Variants in FHIP1A observed in about 807,000 individuals in gnomAD.
The protein encoded by FHIP1A is FHF complex subunit HOOK interacting protein 1A, also known as FHF complex subunit HOOK-interacting protein 1A.
Under a neutral mutation model 88.6 loss-of-function variants are expected in FHIP1A, and 61 were observed. The observed-to-expected ratio is 0.69, with a 90% CI of 0.56 to 0.85. FHIP1A has a LOEUF of 0.85. Among genes scored for constraint, FHIP1A ranks in the 40% least tolerant of loss-of-function variants. The pLI is 0.00. For missense variants in FHIP1A, 1,154 were observed against 1,273.5 expected (o/e 0.91, Z 1.43); for synonymous variants, 478 against 496.0 (o/e 0.96, Z 0.48).
intron 8 of FHIP1A, among the ~76,000 whole-genome samples, chr4:151,638,369 TG>T (rs1736443153): frequency 8.3e-6 from 1 of 121,130 alleles, no homozygotes; most frequent in African/African-American, 2.8e-5. Context: ...GAGAGAGAAT[TG>T]GAGAATTGTA....
intron 3 of FHIP1A, among the ~76,000 whole-genome samples, chr4:151,532,766 T>A (rs1219018749): frequency 6.6e-6 from 1 of 152,206 alleles, no homozygotes; most frequent in African/African-American, 2.4e-5. Flanking sequence ...GAGTTCCACA[T>A]GGCTGGGGAG....
chr4:151,425,988 T>C (rs1324157834), intron 1 of FHIP1A, among the ~76,000 whole-genome samples: 2 of 152,208 alleles, frequency 1.3e-5, no homozygotes, highest in Non-Finnish European at 2.9e-5. Flanking sequence ...TCACATCTTT[T>C]GCCATTCAAG....
rs574417530 is a variant in FHIP1A at position 151,663,817 on chromosome 4, A to G, written c.*1063A>G. ...CTTTGGGACCTTGGATGTAAATGCA[A>G]ACAGGTCACCTGGAGCCCTGCAAAG... On this transcript the variant is annotated 3_prime_UTR_variant, in exon 14 of 14. Transcript: ENST00000435205. 8.5e-5 allele frequency among the ~76,000 whole-genome samples: 13 copies of G among 152,306 alleles called. No homozygotes were observed. The highest frequency in any genetic ancestry group is 6.8e-3 in the Middle Eastern group (2 of 294).
chr4:151,514,107 C>G (rs1031487050), intron 3 of FHIP1A, among the ~76,000 whole-genome samples: 10 of 152,344 alleles, frequency 6.6e-5, no homozygotes, highest in African/African-American at 2.2e-4. Context: ...AACTGTCTCT[C>G]AGACCACAGT....
chr4:151,452,301 C>G (rs1166678024), intron 1 of FHIP1A, among the ~76,000 whole-genome samples: 4 of 152,142 alleles, frequency 2.6e-5, no homozygotes, highest in African/African-American at 7.2e-5. Flanking sequence ...TTTTAGTGCT[C>G]TGTATTCTGG....
intron 9 of FHIP1A, among the ~76,000 whole-genome samples, chr4:151,642,515 A>G (rs1353563418): frequency 6.6e-6 from 1 of 152,200 alleles, no homozygotes; most frequent in African/African-American, 2.4e-5. Flanking sequence ...GCCTAGGGGA[A>G]AATGAATAGG....
chr4:151,650,216 C>T lies in FHIP1A; in HGVS notation c.2175C>T (p.Asn725=), dbSNP rs1417559894. 6.4e-7 allele frequency: 1 copy of T among 1,551,640 alleles called. No homozygotes were observed. Among genetic ancestry groups the T allele is most frequent in the East Asian group, 2.4e-5 (1 of 40,934 alleles). The change falls in exon 11 of 14, where the codon AAC becomes AAT. Residue 725 remains asparagine (N), a synonymous_variant. Coordinates refer to ENST00000435205, the MANE Select transcript of FHIP1A (RefSeq NM_001109977.3). Reference sequence around the variant, plus strand: ...AACCTGAAGCAGCCCCAGAATCCAACTCAGAGTTAGCATCCCCTGCCCCTG... The same window carrying T: ...AACCTGAAGCAGCCCCAGAATCCAATTCAGAGTTAGCATCCCCTGCCCCTG... ...EREPEAAPES[N]SELASPAPEA...
In FHIP1A at chr4:151,669,885, ACT is replaced by A. The variant is rs1737798481; in HGVS notation, c.*7135_*7136del. The A allele has an allele frequency of 6.6e-6, 1 of 151,836 alleles. No individual in the cohort carries two copies. Among genetic ancestry groups the A allele is most frequent in the African/African-American group, 2.4e-5 (1 of 41,318 alleles). The allele number at this position is 151,836 out of a possible 1,614,324, so 9.4% of individuals were successfully genotyped here. A position where few individuals can be genotyped will look rare whatever the true frequency, so the allele number is the denominator to read the frequency against. ...GGGGAAGAGGGGCACCTTTCTCATC[ACT>A]CTCAGGGAAGTCCTGAGGAACTGTG... On this transcript the variant is annotated 3_prime_UTR_variant, in exon 14 of 14. Transcript: ENST00000435205.
At chr4:151,471,469 G>A (rs948237004) in intron 2 of FHIP1A, among the ~76,000 whole-genome samples, 48 of 152,052 alleles carry the variant, frequency 3.2e-4, no homozygotes, top group African/African-American at 1.1e-3. Context: ...AGCAGACCTA[G>A]AAGCCATAAC....
intron 3 of FHIP1A, among the ~76,000 whole-genome samples, chr4:151,517,370 G>C (rs1731281243): frequency 6.6e-6 from 1 of 152,018 alleles, no homozygotes; most frequent in African/African-American, 2.4e-5. Context: ...GTTAATGGGT[G>C]CAGCACACCA....
At chr4:151,453,087 G>T (rs745866984) in intron 1 of FHIP1A, among the ~76,000 whole-genome samples, 1 of 151,664 alleles carries the variant, frequency 6.6e-6, no homozygotes, top group Non-Finnish European at 1.5e-5. Flanking sequence ...CGTGATCTCG[G>T]CTCACTGCAA....
chr4:151,513,904 A>G (rs1731128529), intron 3 of FHIP1A, among the ~76,000 whole-genome samples: 1 of 150,890 alleles, frequency 6.6e-6, no homozygotes, highest in African/African-American at 2.5e-5. Flanking sequence ...CGAGACAGAA[A>G]GTTAACAAGG....
intron 7 of FHIP1A, among the ~76,000 whole-genome samples, chr4:151,599,352 G>T (rs372698390): frequency 1.3e-5 from 2 of 152,176 alleles, no homozygotes; most frequent in Admixed American, 6.5e-5. Flanking sequence ...ATATTCATTG[G>T]TATAGTTCTG....
rs72730114 is a variant in FHIP1A at position 151,650,578 on chromosome 4, G to T, written c.2537G>T (p.Ser846Ile). ...FASRHPVRTQSTPFTGPFISV... is the reference protein window; with the variant it reads ...FASRHPVRTQITPFTGPFISV... ...AGTCGCCATCCCGTGAGGACTCAAAGCACCCCATTCACAGGTGACCATCTT... is the reference window on the plus strand; with the variant it reads ...AGTCGCCATCCCGTGAGGACTCAAATCACCCCATTCACAGGTGACCATCTT... Residue 846 changes from serine (S) to isoleucine (I), a missense_variant, in exon 11 of 14, where the codon AGC (serine) becomes ATC (isoleucine). By Grantham distance (142) the Ser-to-Ile change is moderately radical (BLOSUM62 -2). Coordinates refer to ENST00000435205, the MANE Select transcript of FHIP1A (RefSeq NM_001109977.3). 6.3e-4 allele frequency: 974 copies of T among 1,550,028 alleles called. No homozygotes were observed. Among genetic ancestry groups the T allele is most frequent in the Non-Finnish European group, 8.0e-4 (913 of 1,146,294 alleles).
chr4:151,628,012 A>G (rs1377354015), intron 7 of FHIP1A, among the ~76,000 whole-genome samples: 3 of 152,218 alleles, frequency 2.0e-5, no homozygotes, highest in African/African-American at 7.2e-5. Flanking sequence ...AGTTTGTTTC[A>G]GAAGCAGGGG....
At chr4:151,446,484 CTT>C (rs372904502) in intron 1 of FHIP1A, among the ~76,000 whole-genome samples, 2 of 136,542 alleles carry the variant, frequency 1.5e-5, no homozygotes, top group Admixed American at 7.4e-5. Context: ...TTTCCTTTTC[CTT>C]TTTTTTTTTT....
chr4:151,669,398 G>A lies in FHIP1A; in HGVS notation c.*6644G>A, dbSNP rs544334526. ...ATAGTTTTGGTAAATGTCTTTTTCT[G>A]GCTGCACCCCCTTTTAAGTAAGCCT... On this transcript the variant is annotated 3_prime_UTR_variant, in exon 14 of 14. Transcript: ENST00000435205. Among the ~76,000 whole-genome samples, 23 of 152,274 alleles carry A rather than the reference G, an allele frequency of 1.5e-4. No homozygotes were observed. Among genetic ancestry groups the A allele is most frequent in the African/African-American group, 5.3e-4 (22 of 41,560 alleles).
rs531970447 is a variant in FHIP1A at position 151,537,994 on chromosome 4, C to T, written c.-122-28144C>T. Among the ~76,000 whole-genome samples the T allele has an allele frequency of 2.6e-5, 4 of 152,270 alleles. No homozygotes were observed. In the South Asian group the frequency reaches 8.3e-4, roughly 32 times the overall value. ...TGTAACATGTAAAAGAACTCTTCAT[C>T]CTGACCAGGAAGGATGGTGGTGAAT... On this transcript the variant is annotated intron_variant, in intron 3 of 13. Coordinates refer to ENST00000435205, the MANE Select transcript of FHIP1A (RefSeq NM_001109977.3).
chr4:151,484,234 T>C (rs1358218246), intron 3 of FHIP1A, among the ~76,000 whole-genome samples: 2 of 152,214 alleles, frequency 1.3e-5, no homozygotes, highest in Admixed American at 6.5e-5. Flanking sequence ...TATAGTCGTT[T>C]ACAACCATTC....
Sources: gnomAD v4.1 joint callset for allele counts (sites outside exome capture counted in the v4.1 genomes callset) on GRCh38, gnomAD v4.1.1 for gene constraint, MANE v1.5 for transcripts, NCBI Gene and HGNC (gene_info 2026-07-23, HGNC 2026-07-21) for gene names.